The following RASSF3 variants were observed in gnomAD, a reference collection of about 807,000 sequenced individuals.
The protein encoded by RASSF3 is Ras association domain family member 3, also known as ras association domain-containing protein 3.
A neutral mutation model predicts 19.9 loss-of-function variants in RASSF3; 19 were observed. That is an observed-to-expected ratio of 0.96 (90% CI 0.67 to 1.40). The LOEUF is 1.40. RASSF3 is among the 40% of genes most tolerant of loss of function. RASSF3 has a pLI of 0.00. For missense variants in RASSF3, 306 were observed against 289.8 expected (o/e 1.06, Z -0.41); for synonymous variants, 110 against 104.2 (o/e 1.06, Z -0.34).
At chr12:64,649,450 C>T (rs1003434205) in intron 1 of RASSF3, among the ~76,000 whole-genome samples, 10 of 152,184 alleles carry the variant, frequency 6.6e-5, no homozygotes, top group Admixed American at 3.9e-4. Flanking sequence ...CCTTGGCCTC[C>T]GAAAGTGTTG....
In RASSF3 at chr12:64,682,399, G is replaced by A. The variant is rs967473353; in HGVS notation, c.112-2388G>A. Among the ~76,000 whole-genome samples, 21 of 152,014 alleles carry A rather than the reference G, an allele frequency of 1.4e-4. 1 individual carries two copies. The highest frequency in any genetic ancestry group is 2.2e-4 in the Non-Finnish European group (15 of 67,954). On this transcript the variant is annotated intron_variant, in intron 1 of 4. Coordinates refer to ENST00000542104, the MANE Select transcript of RASSF3 (RefSeq NM_178169.4). The stretch of plus-strand genomic sequence containing the variant: ...ATCCTGGCTAATACGGTGAAACCCC[G>A]TCTCTACTAAAAATACAATTAGCCG...
At chr12:64,665,632 C>G (rs1188754169) in intron 1 of RASSF3, among the ~76,000 whole-genome samples, 3 of 152,124 alleles carry the variant, frequency 2.0e-5, no homozygotes, top group Admixed American at 6.5e-5. Context: ...CTTTCCATGG[C>G]AACAACCTGG....
At chr12:64,617,695 T>C (rs1414759568) in intron 1 of RASSF3, among the ~76,000 whole-genome samples, 1 of 152,150 alleles carries the variant, frequency 6.6e-6, no homozygotes, top group Admixed American at 6.5e-5. Flanking sequence ...GTAGCTGGGA[T>C]TACAGGTGCG....
At position 64,667,252 on chromosome 12, in the gene RASSF3, G is replaced by A. The variant is rs531217123; in HGVS notation, c.112-17535G>A. Among the ~76,000 whole-genome samples the A allele has an allele frequency of 2.6e-5, 4 of 152,266 alleles. No homozygotes were observed. In the East Asian group the frequency reaches 7.7e-4, roughly 29 times the overall value. On this transcript the variant is annotated intron_variant, in intron 1 of 4. Transcript: ENST00000542104. ...ACACATTTATTTTGTGAAAGTAAGT[G>A]TACCTAGTTAACAGTTTCCATTTAT... is the stretch of plus-strand genomic sequence containing the variant.
intron 1 of RASSF3, among the ~76,000 whole-genome samples, chr12:64,620,014 C>CTGTGTGTG (rs68044550): frequency 6.0e-4 from 81 of 134,230 alleles, no homozygotes; most frequent in African/African-American, 1.3e-3. Context: ...TGCAGGTTGA[C>CTGTGTGTG]TGTGTGTGTG....
chr12:64,644,461 C>T (rs1010922120), intron 1 of RASSF3, among the ~76,000 whole-genome samples: 2 of 152,010 alleles, frequency 1.3e-5, no homozygotes, highest in African/African-American at 2.4e-5. Flanking sequence ...TTTAGGAGGC[C>T]GAGATGGGCA....
intron 2 of RASSF3, among the ~76,000 whole-genome samples, chr12:64,571,433 A>G (rs1869517785): frequency 6.6e-6 from 1 of 152,150 alleles, no homozygotes; most frequent in Admixed American, 6.6e-5. Flanking sequence ...CACACCAGTG[A>G]GCACAATCAG....
intron 1 of RASSF3, among the ~76,000 whole-genome samples, chr12:64,525,548 A>G (rs919883840): frequency 1.3e-5 from 2 of 152,226 alleles, no homozygotes; most frequent in Middle Eastern, 3.4e-3. Context: ...ATTGTCTCAT[A>G]TGAACAGTCA....
chr12:64,572,033 C>T (rs1262351840), intron 2 of RASSF3, among the ~76,000 whole-genome samples: 4 of 152,126 alleles, frequency 2.6e-5, no homozygotes, highest in Non-Finnish European at 5.9e-5. Flanking sequence ...GGGATTAGAC[C>T]TAGTTACCTG....
chr12:64,638,576 T>G, intron 1 of RASSF3, among the ~76,000 whole-genome samples: 1 of 117,154 alleles, frequency 8.5e-6, no homozygotes. Context: ...TGAGACTCCG[T>G]CTCAAAAAAA....
Position 64,622,220 on chromosome 12 carries a change from T to G in RASSF3, c.111+11477T>G, listed in dbSNP as rs952737631. Among the ~76,000 whole-genome samples, 3 of 150,288 alleles carry G rather than the reference T, an allele frequency of 2.0e-5. No individual in the cohort carries two copies. The East Asian group carries it at 5.8e-4, about 29-fold the overall frequency. ...CATGCACCACCATGTCCAGCTATTT[T>G]TTTTTTTTTTTTTGTATTTTTAGTA... On this transcript the variant is annotated intron_variant, in intron 1 of 4. Coordinates refer to ENST00000542104, the MANE Select transcript of RASSF3 (RefSeq NM_178169.4).
intron 1 of RASSF3, among the ~76,000 whole-genome samples, chr12:64,648,090 G>A (rs1201863522): frequency 1.3e-5 from 2 of 152,204 alleles, no homozygotes; most frequent in African/African-American, 2.4e-5. Context: ...TCATAGACAT[G>A]TGAACACTAG....
intron 1 of RASSF3, among the ~76,000 whole-genome samples, chr12:64,624,905 G>C (rs191803713): frequency 6.6e-6 from 1 of 151,524 alleles, no homozygotes; most frequent in South Asian, 2.1e-4. Flanking sequence ...CTGACTTCGC[G>C]ATCTGCCCGC....
At chr12:64,512,309 G>C (rs1868333131) in intron 1 of RASSF3, among the ~76,000 whole-genome samples, 1 of 152,110 alleles carries the variant, frequency 6.6e-6, no homozygotes, top group Non-Finnish European at 1.5e-5. Context: ...TCTATATTTA[G>C]TGACCTATAA....
chr12:64,522,457 T>C (rs1200317775), intron 1 of RASSF3, among the ~76,000 whole-genome samples: 5 of 152,126 alleles, frequency 3.3e-5, no homozygotes, highest in Admixed American at 3.3e-4. Flanking sequence ...GTTTAACCCT[T>C]TGTCCTATCC....
At chr12:64,602,049 A>G (rs1229473310) in intron 2 of RASSF3, among the ~76,000 whole-genome samples, 1 of 149,526 alleles carries the variant, frequency 6.7e-6, no homozygotes, top group Admixed American at 6.7e-5. Context: ...CCTGGGAGTC[A>G]GAGCTTGCAG....
intron 1 of RASSF3, among the ~76,000 whole-genome samples, chr12:64,674,130 C>T (rs1051673099): frequency 9.2e-5 from 14 of 152,118 alleles, no homozygotes; most frequent in African/African-American, 3.1e-4. Context: ...ATTTAGGGGG[C>T]ATGCTTTGAA....
intron 1 of RASSF3, among the ~76,000 whole-genome samples, chr12:64,679,748 A>AT (rs1358870717): frequency 6.6e-6 from 1 of 152,158 alleles, no homozygotes; most frequent in Non-Finnish European, 1.5e-5. Context: ...TTTATGAAAT[A>AT]TTTTTTTGTG....
chr12:64,662,255 C>A (rs80052163), intron 1 of RASSF3, among the ~76,000 whole-genome samples: 24 of 140,944 alleles, frequency 1.7e-4, no homozygotes, highest in South Asian at 2.3e-4. Flanking sequence ...CCCGTATCTA[C>A]AAAAAAAAAA....
Sources: allele counts gnomAD v4.1 joint callset (sites outside exome capture counted in the v4.1 genomes callset), GRCh38; gene constraint gnomAD v4.1.1; transcripts MANE v1.5; gene names NCBI Gene and HGNC (gene_info 2026-07-23, HGNC 2026-07-21).